Variants in VRK2 observed in about 807,000 individuals in gnomAD.
The protein encoded by VRK2 is VRK serine/threonine kinase 2.
VRK2 carries 60 observed loss-of-function variants against 57.6 expected under a neutral mutation model. The observed-to-expected ratio is 1.04, with a 90% CI of 0.85 to 1.29. The LOEUF (loss-of-function observed/expected upper bound fraction) is 1.29. Ranked by LOEUF, VRK2 falls within the 50% of genes most tolerant of loss-of-function variation. The pLI, the probability that VRK2 is intolerant of heterozygous loss-of-function variation, is 0.00. For missense variants in VRK2, 705 were observed against 588.1 expected (o/e 1.20, Z -2.06); for synonymous variants, 231 against 199.2 (o/e 1.16, Z -1.35).
chr2:57,990,408 G>T (rs1672726349), intron 1 of VRK2, among the ~76,000 whole-genome samples: 1 of 152,164 alleles, frequency 6.6e-6, no homozygotes, highest in East Asian at 1.9e-4. Flanking sequence ...TACTGAAAAT[G>T]AGTATGTCAT....
intron 7 of VRK2, among the ~76,000 whole-genome samples, chr2:58,112,181 T>G (rs2104417203): frequency 6.6e-6 from 1 of 152,338 alleles, no homozygotes; most frequent in South Asian, 2.1e-4. Flanking sequence ...GCTTTCATCC[T>G]TTACAAGCTC....
At chr2:58,086,643 G>T (rs1422292989) in intron 5 of VRK2, among the ~76,000 whole-genome samples, 1 of 152,150 alleles carries the variant, frequency 6.6e-6, no homozygotes, top group Non-Finnish European at 1.5e-5. Context: ...GCTGTCTGCT[G>T]GGTTACATTC....
intron 12 of VRK2, among the ~76,000 whole-genome samples, chr2:58,154,093 A>G (rs1280249504): frequency 2.6e-5 from 4 of 152,016 alleles, no homozygotes; most frequent in Non-Finnish European, 5.9e-5. Context: ...ATAATTATTC[A>G]TACTATTCCT....
upstream of VRK2, among the ~76,000 whole-genome samples, chr2:58,042,237 G>T (rs1015093038): frequency 1.3e-5 from 2 of 152,112 alleles, no homozygotes; most frequent in Admixed American, 1.3e-4. Context: ...GGATGATTAA[G>T]TTTATACTTT....
intron 2 of VRK2, among the ~76,000 whole-genome samples, chr2:58,078,523 G>A (rs567963985): frequency 6.2e-4 from 94 of 152,186 alleles, no homozygotes; most frequent in Non-Finnish European, 1.1e-3. Context: ...CCAGAAATGG[G>A]ATTGCTAGAT....
At chr2:57,924,801 T>A (rs1670477474) in intron 1 of VRK2, among the ~76,000 whole-genome samples, 1 of 152,006 alleles carries the variant, frequency 6.6e-6, no homozygotes, top group South Asian at 2.1e-4. Context: ...AGGAAAGGCT[T>A]TTAGTTTTTC....
At chr2:58,047,216 T>G (rs1344906050) in intron 1 of VRK2, 1 of 253,466 alleles carries the variant, frequency 3.9e-6, no homozygotes, top group African/African-American at 2.3e-5. Context: ...CCCGGCGTGC[T>G]AAGGGCGGAC....
chr2:58,132,531 G>A (rs1178983470), intron 9 of VRK2, among the ~76,000 whole-genome samples: 2 of 152,154 alleles, frequency 1.3e-5, no homozygotes, highest in Admixed American at 6.5e-5. Context: ...AACAGGGTGT[G>A]TTACTGTTTT....
rs182826598 is a variant in VRK2 at position 58,100,847 on chromosome 2, A to C, written c.543+11124A>C. ...ATTTTATTTCCATCTAACTTTGTGT[A>C]ATGTGTTAATACTGCTATTTTACTA... On this transcript the variant is annotated intron_variant, in intron 7 of 12. Transcript: ENST00000340157. 2.7e-4 allele frequency among the ~76,000 whole-genome samples: 41 copies of C among 151,878 alleles called. No homozygotes were observed. In the East Asian group the frequency reaches 7.9e-3, roughly 29 times the overall value.
chr2:58,052,964 C>A (rs1193805214), intron 2 of VRK2, among the ~76,000 whole-genome samples: 1 of 152,192 alleles, frequency 6.6e-6, no homozygotes, highest in Admixed American at 6.5e-5. Flanking sequence ...TATGATTTAT[C>A]TGTAGCAGTT....
At chr2:58,123,936 C>G (rs571698977) in intron 8 of VRK2, among the ~76,000 whole-genome samples, 1 of 152,104 alleles carries the variant, frequency 6.6e-6, no homozygotes, top group Admixed American at 6.5e-5. Flanking sequence ...AGATACATCT[C>G]TCAGCAGTAA....
intron 1 of VRK2, among the ~76,000 whole-genome samples, chr2:57,947,359 A>C (rs909506184): frequency 1.3e-5 from 2 of 152,168 alleles, no homozygotes; most frequent in Admixed American, 1.3e-4. Context: ...ATTTTTTTAA[A>C]TTTACACATG....
chr2:58,141,984 A>G (rs990058343), intron 11 of VRK2, among the ~76,000 whole-genome samples: 2 of 151,986 alleles, frequency 1.3e-5, no homozygotes, highest in African/African-American at 4.8e-5. Context: ...AAATGGGTTT[A>G]TAGTTATATG....
upstream of VRK2, among the ~76,000 whole-genome samples, chr2:58,042,689 T>C (rs1022550664): frequency 6.6e-6 from 1 of 152,198 alleles, no homozygotes; most frequent in African/African-American, 2.4e-5. Flanking sequence ...GCAGAACGCA[T>C]GCCATACCTA....
At chr2:57,960,822 T>A (rs1185822176) in intron 1 of VRK2, among the ~76,000 whole-genome samples, 2 of 152,230 alleles carry the variant, frequency 1.3e-5, no homozygotes, top group Non-Finnish European at 2.9e-5. Context: ...AAATAATTTA[T>A]AACAAGTGTA....
At chr2:58,054,390 G>GTT (rs542701260) in intron 2 of VRK2, among the ~76,000 whole-genome samples, 3 of 144,976 alleles carry the variant, frequency 2.1e-5, no homozygotes, top group South Asian at 2.2e-4. Context: ...AGTGGTCAAG[G>GTT]TTTTTTTTTT....
intron 3 of VRK2, among the ~76,000 whole-genome samples, chr2:58,036,664 G>T (rs1439979372): frequency 6.6e-6 from 1 of 151,780 alleles, no homozygotes; most frequent in Admixed American, 6.6e-5. Flanking sequence ...AAAAAAATAT[G>T]GTGTTGGCTA....
intron 7 of VRK2, among the ~76,000 whole-genome samples, chr2:58,112,236 T>C (rs937961728): frequency 2.6e-5 from 4 of 152,248 alleles, no homozygotes; most frequent in Non-Finnish European, 5.9e-5. Flanking sequence ...CTCAGCTTTC[T>C]TATATGTAAA....
At chr2:57,961,931 G>A (rs1671774061) in intron 1 of VRK2, among the ~76,000 whole-genome samples, 1 of 152,070 alleles carries the variant, frequency 6.6e-6, no homozygotes, top group Non-Finnish European at 1.5e-5. Flanking sequence ...ACAAAAATTA[G>A]CTGGGCACGG....
Sources: gnomAD v4.1 joint callset for allele counts (sites outside exome capture counted in the v4.1 genomes callset) on GRCh38, gnomAD v4.1.1 for gene constraint, MANE v1.5 for transcripts, NCBI Gene and HGNC (gene_info 2026-07-23, HGNC 2026-07-21) for gene names.